The following LGR5 variants were observed in gnomAD, a reference collection of about 807,000 sequenced individuals.
The protein encoded by LGR5 is leucine rich repeat containing G protein-coupled receptor 5.
Under a neutral mutation model 76.7 loss-of-function variants are expected in LGR5, and 54 were observed. That is an observed-to-expected ratio of 0.70 (90% CI 0.57 to 0.88). LGR5 has a LOEUF of 0.88. Ranked by LOEUF, LGR5 falls within the 40% of genes least tolerant of loss-of-function variation. The probability of loss-of-function intolerance (pLI) is 0.00; values close to 1 mark genes in which losing one functional copy is unlikely to be tolerated. For missense variants in LGR5, 1,078 were observed against 1,073.3 expected (o/e 1.00, Z -0.06); for synonymous variants, 406 against 421.9 (o/e 0.96, Z 0.46).
At chr12:71,482,374 G>T (rs994606425) in intron 1 of LGR5, among the ~76,000 whole-genome samples, 3 of 152,062 alleles carry the variant, frequency 2.0e-5, no homozygotes, top group African/African-American at 7.2e-5. Context: ...TCCTCTGAAG[G>T]CTCTCTCCTT....
At chr12:71,569,195 A>G (rs10784927) in intron 11 of LGR5, among the ~76,000 whole-genome samples, 11,109 of 152,280 alleles carry the variant, frequency 0.073, 966 homozygotes, top group East Asian at 0.43. Context: ...AAAACTTAAA[A>G]TATAAAAACC....
rs562602287 is a variant in LGR5, at chr12:71,503,211, T to C, written c.213-1403T>C. ...TAATGACTGTGCTATTTCACAGGAA[T>C]GTTTGCCAAAAAAAATGAAATTGTT... On this transcript the variant is annotated intron_variant, in intron 1 of 17. Coordinates refer to ENST00000266674, the MANE Select transcript of LGR5 (RefSeq NM_003667.4). Among the ~76,000 whole-genome samples, 43 of 151,690 alleles carry C rather than the reference T, an allele frequency of 2.8e-4. 1 individual carries two copies. Among genetic ancestry groups the C allele is most frequent in the African/African-American group, 1.0e-3 (42 of 41,402 alleles).
intron 4 of LGR5, among the ~76,000 whole-genome samples, chr12:71,540,386 A>T (rs1040793038): frequency 2.0e-5 from 3 of 152,242 alleles, no homozygotes; most frequent in Non-Finnish European, 2.9e-5. Flanking sequence ...ATGAAAGAAG[A>T]ATTAAACATA....
chr12:71,518,029 G>A (rs1875530219), intron 2 of LGR5, among the ~76,000 whole-genome samples: 1 of 152,014 alleles, frequency 6.6e-6, no homozygotes, highest in Non-Finnish European at 1.5e-5. Context: ...GGAGACTTTA[G>A]TCCCTCCTGC....
At chr12:71,568,286 C>G (rs1432242375) in intron 11 of LGR5, among the ~76,000 whole-genome samples, 2 of 152,208 alleles carry the variant, frequency 1.3e-5, no homozygotes, top group Non-Finnish European at 2.9e-5. Flanking sequence ...AATCCAAGCT[C>G]TCTATATGCC....
intron 1 of LGR5, among the ~76,000 whole-genome samples, chr12:71,459,470 G>T (rs1435787200): frequency 6.6e-6 from 1 of 152,082 alleles, no homozygotes; most frequent in Non-Finnish European, 1.5e-5. Context: ...GAAAGCATGA[G>T]TCCCCTCTAT....
intron 4 of LGR5, among the ~76,000 whole-genome samples, chr12:71,552,782 C>T (rs1877555200): frequency 6.6e-6 from 1 of 152,080 alleles, no homozygotes; most frequent in Non-Finnish European, 1.5e-5. Flanking sequence ...ACTGAAACTC[C>T]ATACCTCAGG....
intron 1 of LGR5, among the ~76,000 whole-genome samples, chr12:71,443,395 C>T (rs1023860208): frequency 6.6e-6 from 1 of 152,246 alleles, no homozygotes; most frequent in African/African-American, 2.4e-5. Flanking sequence ...ACCAATAAAC[C>T]GAGTGAAAAC....
Position 71,584,553 on chromosome 12 carries a change from G to A in LGR5, c.2543G>A (p.Ser848Asn), listed in dbSNP as rs1879240890. Residue 848 changes from serine (S) to asparagine (N), a missense_variant, in exon 18 of 18, where the codon AGC becomes AAC. By Grantham distance (46) the Ser-to-Asn change is conservative. Transcript: ENST00000266674. ...GTCTGGACAAGATCAAAACACCCAA[G>A]CTTGATGTCAATTAACTCTGATGAT... ...TYVWTRSKHP[S>N]LMSINSDDVE... 1 of 1,613,954 alleles carries A rather than the reference G, an allele frequency of 6.2e-7. No individual in the cohort carries two copies. The highest frequency in any genetic ancestry group is 8.5e-7 in the Non-Finnish European group (1 of 1,180,028).
intron 2 of LGR5, among the ~76,000 whole-genome samples, chr12:71,514,495 A>C (rs4760804): frequency 0.88 from 132,945 of 151,106 alleles, 58,586 homozygotes; most frequent in East Asian, 0.97. Flanking sequence ...TTGAACCCGG[A>C]AGGCGGAGCT....
intron 1 of LGR5, chr12:71,441,915 A>G (rs1418151252): frequency 6.6e-6 from 1 of 152,056 alleles, no homozygotes; most frequent in Non-Finnish European, 1.5e-5. Flanking sequence ...CTCATCCCCA[A>G]CCACTCTAGT....
chr12:71,565,236 C>G (rs1797371), intron 8 of LGR5, among the ~76,000 whole-genome samples: 133,723 of 151,668 alleles, frequency 0.88, 60,907 homozygotes, highest in East Asian at 1. Context: ...CATGCATTAG[C>G]TCTTTTAATT....
chr12:71,495,113 CA>C (rs1423161730), intron 1 of LGR5, among the ~76,000 whole-genome samples: 1 of 150,880 alleles, frequency 6.6e-6, no homozygotes, highest in African/African-American at 2.5e-5. Context: ...CTTCTGACAC[CA>C]AACTTAAAGA....
chr12:71,498,469 A>G (rs1349366187), intron 1 of LGR5, among the ~76,000 whole-genome samples: 1 of 152,182 alleles, frequency 6.6e-6, no homozygotes, highest in African/African-American at 2.4e-5. Context: ...CAGTTGACCA[A>G]CTTCACATTG....
rs749317425 is a variant in LGR5, at chr12:71,566,480, G to A, written c.929+5G>A. ...TTTACCTGAACTAAGAACACTGTAA[G>A]TTTCTATGTCTCTTATGGATCACTT... On this transcript the variant is annotated splice_donor_5th_base_variant and intron_variant, in intron 9 of 17. Transcript: ENST00000266674. The A allele has an allele frequency of 6.3e-7, 1 of 1,590,850 alleles. No individual in the cohort carries two copies. Among genetic ancestry groups the A allele is most frequent in the Non-Finnish European group, 8.6e-7 (1 of 1,159,248 alleles).
intron 2 of LGR5, among the ~76,000 whole-genome samples, chr12:71,519,527 C>T (rs1000617684): frequency 6.6e-5 from 10 of 151,930 alleles, no homozygotes; most frequent in African/African-American, 2.2e-4. Context: ...AAGCCGGGCA[C>T]GGTGGCTCAT....
At chr12:71,577,858 G>C in intron 13 of LGR5, 67 bp from the exon 14 acceptor site, 2 of 1,004,488 alleles carry the variant, frequency 2.0e-6, no homozygotes, top group Non-Finnish European at 3.2e-6. Flanking sequence ...AAGACTAAAT[G>C]CATATGATAA....
intron 16 of LGR5, among the ~76,000 whole-genome samples, chr12:71,581,199 A>G (rs940877216): frequency 4.6e-5 from 7 of 152,254 alleles, no homozygotes; most frequent in African/African-American, 1.7e-4. Context: ...CAGAAGGGCT[A>G]AAGAATCCTG....
At chr12:71,522,587 C>G (rs2137338420) in intron 2 of LGR5, among the ~76,000 whole-genome samples, 1 of 152,208 alleles carries the variant, frequency 6.6e-6, no homozygotes, top group South Asian at 2.1e-4. Flanking sequence ...AATACTTCAG[C>G]CAATTCACTC....
Sources: gnomAD v4.1 joint callset for allele counts (sites outside exome capture counted in the v4.1 genomes callset) on GRCh38, gnomAD v4.1.1 for gene constraint, MANE v1.5 for transcripts, NCBI Gene and HGNC (gene_info 2026-07-23, HGNC 2026-07-21) for gene names.